Variants in C14orf132 observed in about 807,000 individuals in gnomAD.
The protein encoded by C14orf132 is uncharacterized protein C14orf132.
In C14orf132, 6 loss-of-function variants were observed where a neutral mutation model predicts 5.8. That is an observed-to-expected ratio of 1.03 (90% CI 0.57 to 2.04). The LOEUF is 2.04. Among genes scored for constraint, C14orf132 ranks in the 30% most tolerant of loss-of-function variants. The pLI is 0.00. For synonymous variants in C14orf132, 51 were observed against 49.8 expected, an observed-to-expected ratio of 1.02 and a Z score of -0.10; for missense variants, 125 against 115.8, an observed-to-expected ratio of 1.08 and a Z score of -0.37.
At chr14:96,077,431 C>T (rs1887903103) in intron 1 of C14orf132, among the ~76,000 whole-genome samples, 1 of 152,090 alleles carries the variant, frequency 6.6e-6, no homozygotes, top group Non-Finnish European at 1.5e-5. Flanking sequence ...AAAATGAGGT[C>T]ACTAGGATAT....
chr14:96,079,278 C>T (rs1887963831), intron 1 of C14orf132, among the ~76,000 whole-genome samples: 1 of 152,122 alleles, frequency 6.6e-6, no homozygotes, highest in African/African-American at 2.4e-5. Flanking sequence ...GAAGCTGAGG[C>T]ATTGGATGGT....
At chr14:96,083,624 A>G (rs2139682251) in intron 1 of C14orf132, among the ~76,000 whole-genome samples, 1 of 152,334 alleles carries the variant, frequency 6.6e-6, no homozygotes, top group South Asian at 2.1e-4. Flanking sequence ...CCCAGCCATG[A>G]GCCCAGGAAT....
intron 1 of C14orf132, among the ~76,000 whole-genome samples, chr14:96,041,380 A>T (rs1566820703): frequency 6.6e-6 from 1 of 152,230 alleles, no homozygotes. Flanking sequence ...TGCAAGGAGG[A>T]GAACTGGATT....
intron 1 of C14orf132, among the ~76,000 whole-genome samples, chr14:96,074,552 T>G (rs1887804883): frequency 6.6e-6 from 1 of 151,760 alleles, no homozygotes; most frequent in Non-Finnish European, 1.5e-5. Context: ...GCATGAGTTT[T>G]TTTTTTTTTT....
At chr14:96,049,156 C>G (rs1886922263) in intron 1 of C14orf132, among the ~76,000 whole-genome samples, 1 of 152,102 alleles carries the variant, frequency 6.6e-6, no homozygotes. Flanking sequence ...GCTCATGCCT[C>G]TAATCCCAGC....
intron 1 of C14orf132, among the ~76,000 whole-genome samples, chr14:96,076,828 T>C (rs1566834010): frequency 6.6e-6 from 1 of 152,356 alleles, no homozygotes; most frequent in East Asian, 1.9e-4. Context: ...CATCAATGCG[T>C]GCTGATAACT....
chr14:96,071,816 T>G (rs901289737), intron 1 of C14orf132, among the ~76,000 whole-genome samples: 3 of 152,152 alleles, frequency 2.0e-5, no homozygotes, highest in African/African-American at 7.2e-5. Context: ...GCACACAGGG[T>G]GCCCTGCCAG....
At chr14:96,077,538 G>A (rs995521673) in intron 1 of C14orf132, among the ~76,000 whole-genome samples, 2 of 152,114 alleles carry the variant, frequency 1.3e-5, no homozygotes, top group Non-Finnish European at 2.9e-5. Context: ...GGGAGAAGGT[G>A]GCCACCTGCA....
intron 1 of C14orf132, among the ~76,000 whole-genome samples, chr14:96,081,198 C>G (rs932408043): frequency 6.6e-6 from 1 of 152,180 alleles, no homozygotes; most frequent in Non-Finnish European, 1.5e-5. Context: ...TCATATTATG[C>G]ATGCATGTTT....
chr14:96,092,778 G>C lies in C14orf132; in HGVS notation c.*6043G>C, dbSNP rs997949735. ...TATCGAGTTTTCACTAGGAGACTTA[G>C]TGGTGGCTTTCATGAGGCCAGTCGT... On this transcript the variant is annotated 3_prime_UTR_variant, in exon 2 of 2. Coordinates refer to ENST00000555004, the MANE Select transcript of C14orf132 (RefSeq NM_001252507.3). 6.6e-6 allele frequency: 1 copy of C among 152,258 alleles called. No individual in the cohort carries two copies. Among genetic ancestry groups the C allele is most frequent in the Non-Finnish European group, 1.5e-5 (1 of 68,058 alleles). 9.4% of individuals were successfully genotyped at this position (152,258 alleles called of 1,614,324 possible).
intron 1 of C14orf132, among the ~76,000 whole-genome samples, chr14:96,083,420 T>A (rs971956776): frequency 6.6e-6 from 1 of 152,158 alleles, no homozygotes; most frequent in African/African-American, 2.4e-5. Flanking sequence ...TGTGGATGGA[T>A]TACCGTTCAT....
rs146226253 is a variant in C14orf132 at position 96,071,168 on chromosome 14, C to T, written c.28-15343C>T. Among the ~76,000 whole-genome samples, 298 of 152,178 alleles carry T rather than the reference C, an allele frequency of 2.0e-3. 1 individual carries two copies. The highest frequency in any genetic ancestry group is 6.5e-3 in the African/African-American group (270 of 41,506). On this transcript the variant is annotated intron_variant, in intron 1 of 1. Coordinates refer to ENST00000555004, the MANE Select transcript of C14orf132 (RefSeq NM_001252507.3). ...ATCATGGCGAAAGGGGAAGCAAACA[C>T]GTTTTTCTTCACATGATGGCAGGAA...
rs373830090 is a variant in C14orf132, at chr14:96,048,616, C to G, written c.27+9089C>G. Among the ~76,000 whole-genome samples the G allele has an allele frequency of 1.3e-3, 197 of 152,168 alleles. 1 individual carries two copies. In the South Asian group the frequency reaches 0.014, roughly 11 times the overall value. ...CTCAGCTCATTGCAATCTCTGCCCC[C>G]CCGGGTTCAAGTGATTCACCTGCCT... On this transcript the variant is annotated intron_variant, in intron 1 of 1. Coordinates refer to ENST00000555004, the MANE Select transcript of C14orf132 (RefSeq NM_001252507.3).
chr14:96,072,919 A>G (rs1887754127), intron 1 of C14orf132, among the ~76,000 whole-genome samples: 1 of 152,246 alleles, frequency 6.6e-6, no homozygotes, highest in African/African-American at 2.4e-5. Flanking sequence ...TAGGGCAGCT[A>G]TGAATAAAGC....
rs1213113100 is a variant in C14orf132, at chr14:96,039,421, A to T, written c.-80A>T. ...CTCCGGACGCTCGCTGCTCAGCCCG[A>T]TCCCCGCCAACTGTGCAGGCGGCTG... On this transcript the variant is annotated 5_prime_UTR_variant, in exon 1 of 2. Transcript: ENST00000555004. This position sits in a 1 kb window ranked among gnomAD's most constrained non-coding sequence, Gnocchi z 5.3. 7.2e-7 allele frequency: 1 copy of T among 1,384,020 alleles called. No homozygotes were observed. The highest frequency in any genetic ancestry group is 9.5e-7 in the Non-Finnish European group (1 of 1,054,110). 85.7% of individuals were successfully genotyped at this position (1,384,020 alleles called of 1,614,324 possible). A position where few individuals can be genotyped will look rare whatever the true frequency, so the allele number is the denominator to read the frequency against.
At chr14:96,067,484 C>T (rs1255647445) in intron 1 of C14orf132, among the ~76,000 whole-genome samples, 4 of 152,030 alleles carry the variant, frequency 2.6e-5, no homozygotes, top group African/African-American at 7.3e-5. Flanking sequence ...CAGATCACCT[C>T]AGGTCGGGAG....
chr14:96,086,682 G>C lies in C14orf132; in HGVS notation c.199G>C (p.Ala67Pro). 6.5e-7 allele frequency: 1 copy of C among 1,536,192 alleles called. No homozygotes were observed. Among genetic ancestry groups the C allele is most frequent in the Non-Finnish European group, 8.7e-7 (1 of 1,146,922 alleles). Residue 67 changes from alanine to proline, a missense_variant, in exon 2 of 2, where the codon GCT becomes CCT. By Grantham distance (27) the Ala-to-Pro change is conservative. Coordinates refer to ENST00000555004, the MANE Select transcript of C14orf132 (RefSeq NM_001252507.3). ...CGTCTTGCTATGGATTGCCATCATAGCTACGCTGGGGAACATCGTGGTGGT... is the reference window on the plus strand; with the variant it reads ...CGTCTTGCTATGGATTGCCATCATACCTACGCTGGGGAACATCGTGGTGGT... Reference protein sequence around the residue: ...DAVLLWIAIIATLGNIVVVGV... With the variant: ...DAVLLWIAIIPTLGNIVVVGV...
rs754732970 is a variant in C14orf132 at position 96,086,572 on chromosome 14, C to T, written c.89C>T (p.Ser30Phe). 1.3e-6 allele frequency: 2 copies of T among 1,536,014 alleles called. No homozygotes were observed. The highest frequency in any genetic ancestry group is 1.7e-6 in the Non-Finnish European group (2 of 1,146,922). Residue 30 changes from serine (S) to phenylalanine (F), a missense_variant, in exon 2 of 2, where the codon TCC becomes TTC. Ser to Phe is a radical substitution (Grantham distance 155, BLOSUM62 -2). Transcript: ENST00000555004. ...AACGAGGACTTCAGCACCGAGTACTCCCTGTTTAACTCCTCTGCCAATGTC... is the reference window on the plus strand; with the variant it reads ...AACGAGGACTTCAGCACCGAGTACTTCCTGTTTAACTCCTCTGCCAATGTC... ...SPNEDFSTEY[S>F]LFNSSANVHA...
At chr14:96,057,767 T>C (rs919146245) in intron 1 of C14orf132, among the ~76,000 whole-genome samples, 2 of 152,130 alleles carry the variant, frequency 1.3e-5, no homozygotes, top group Admixed American at 1.3e-4. Flanking sequence ...CTAGTAGACA[T>C]CCTGGGAGAG....
Sources: gnomAD v4.1 joint callset for allele counts (sites outside exome capture counted in the v4.1 genomes callset) on GRCh38, gnomAD v4.1.1 for gene constraint, Gnocchi (gnomAD v3.1) non-coding constraint, MANE v1.5 for transcripts, NCBI Gene and HGNC (gene_info 2026-07-23, HGNC 2026-07-21) for gene names.